Variants in NFATC1 observed in about 807,000 individuals in gnomAD.
NFATC1 encodes the protein nuclear factor of activated T-cells, cytoplasmic 1.
Under a neutral mutation model 76.0 loss-of-function variants are expected in NFATC1, and 22 were observed. The observed-to-expected ratio is 0.29, with a 90% confidence interval of 0.21 to 0.41. The LOEUF (loss-of-function observed/expected upper bound fraction) is 0.41. Ranked by LOEUF, NFATC1 falls within the 10% of genes least tolerant of loss-of-function variation. NFATC1 has a pLI of 1.00. For synonymous variants in NFATC1, 704 were observed against 613.1 expected, an observed-to-expected ratio of 1.15 and a Z score of -2.19; for missense variants, 1,357 against 1,337.7, an observed-to-expected ratio of 1.01 and a Z score of -0.23.
At chr18:79,520,524 C>CT (rs1555925199) in intron 9 of NFATC1, among the ~76,000 whole-genome samples, 1 of 134,924 alleles carries the variant, frequency 7.4e-6, no homozygotes, top group African/African-American at 2.6e-5. Flanking sequence ...GCAGAAGACT[C>CT]TGTGTGTGGG....
chr18:79,520,720 G>GT (rs1250054434), intron 9 of NFATC1, among the ~76,000 whole-genome samples: 1 of 74,152 alleles, frequency 1.3e-5, no homozygotes, highest in African/African-American at 5.8e-5. Flanking sequence ...TGTGTGGGGG[G>GT]GGGGCATCCA....
At chr18:79,424,469 C>G (rs984232848) in intron 2 of NFATC1, among the ~76,000 whole-genome samples, 11 of 140,954 alleles carry the variant, frequency 7.8e-5, no homozygotes, top group African/African-American at 3.1e-4. Flanking sequence ...CTGATCGTCT[C>G]TCTCTCTCTT....
At position 79,487,447 on chromosome 18, in the gene NFATC1, C is replaced by T. The variant is rs577190045; in HGVS notation, c.2782+510C>T. ...TGCAGTGGCGGCCTTGCCAGGAGCT[C>T]GCAGGGTGGCCGTGACACCGGGGGC... On this transcript the variant is annotated intron_variant, in intron 9 of 9. Transcript: ENST00000427363. Among the ~76,000 whole-genome samples the T allele has an allele frequency of 2.2e-4, 33 of 152,316 alleles. 1 individual carries two copies. The highest frequency in any genetic ancestry group is 7.7e-4 in the African/African-American group (32 of 41,578).
rs73969674 is a variant in NFATC1 at position 79,475,459 on chromosome 18, G to A, written c.2092+7877G>A. Among the ~76,000 whole-genome samples the A allele has an allele frequency of 8.2e-3, 1,238 of 151,004 alleles. 29 individuals carry two copies. Among genetic ancestry groups the A allele is most frequent in the African/African-American group, 0.028 (1,132 of 40,932 alleles). ...GCGTGTTCTCACGCTCACTGTCAACGTTGTGAGGGAAGGGTGTTTTCACGC... is the reference window on the plus strand; with the variant it reads ...GCGTGTTCTCACGCTCACTGTCAACATTGTGAGGGAAGGGTGTTTTCACGC... On this transcript the variant is annotated intron_variant, in intron 8 of 9. Coordinates refer to ENST00000427363, the MANE Select transcript of NFATC1 (RefSeq NM_001278669.2).
intron 2 of NFATC1, among the ~76,000 whole-genome samples, chr18:79,430,961 T>C (rs1480479208): frequency 1.3e-5 from 2 of 152,226 alleles, no homozygotes; most frequent in African/African-American, 4.8e-5. Context: ...TCCAGCCGCC[T>C]TTCCTTCTGC....
chr18:79,448,785 C>T lies in NFATC1; in HGVS notation c.1390C>T (p.His464Tyr). ...SAGGHPIVQL[H>Y]GYLENEPLML... ...GTGTTTTCTGTTCTCTCGCCAGCTG[C>T]ATGGCTACTTGGAGAATGAGCCGCT... Residue 464 changes from histidine (H) to tyrosine (Y), a missense_variant, in exon 4 of 10, where the codon CAT (histidine) becomes TAT (tyrosine). By Grantham distance (83) the His-to-Tyr change is moderately conservative (BLOSUM62 2). Coordinates refer to ENST00000427363, the MANE Select transcript of NFATC1 (RefSeq NM_001278669.2). 1.9e-6 allele frequency: 3 copies of T among 1,613,258 alleles called. No homozygotes were observed. The highest frequency in any genetic ancestry group is 2.5e-6 in the Non-Finnish European group (3 of 1,179,670).
chr18:79,507,889 C>T (rs1445798878), intron 9 of NFATC1, among the ~76,000 whole-genome samples: 11 of 152,346 alleles, frequency 7.2e-5, no homozygotes, highest in Non-Finnish European at 7.3e-5. Context: ...GCCACCGTCC[C>T]GCGGGAAGCT....
intron 9 of NFATC1, among the ~76,000 whole-genome samples, chr18:79,494,782 C>T (rs997911493): frequency 8.3e-5 from 7 of 83,916 alleles, no homozygotes; most frequent in Admixed American, 5.2e-4. Context: ...CGAGAGCGGG[C>T]ACATGCCCCC....
chr18:79,459,805 A>G (rs1262721047), intron 6 of NFATC1, among the ~76,000 whole-genome samples: 1 of 152,130 alleles, frequency 6.6e-6, no homozygotes, highest in East Asian at 1.9e-4. Flanking sequence ...AGTTACACAC[A>G]GAGTGATTTG....
At chr18:79,479,395 T>C (rs1217496869) in intron 8 of NFATC1, among the ~76,000 whole-genome samples, 1 of 152,184 alleles carries the variant, frequency 6.6e-6, no homozygotes, top group Non-Finnish European at 1.5e-5. Context: ...CGGGTGAGAC[T>C]CCCAGGCGCT....
At chr18:79,522,968 G>A (rs999855019) in intron 9 of NFATC1, among the ~76,000 whole-genome samples, 1 of 152,226 alleles carries the variant, frequency 6.6e-6, no homozygotes, top group Non-Finnish European at 1.5e-5. Flanking sequence ...CAGCAGAGCC[G>A]GCTGAGCTCA....
At chr18:79,400,505 G>A (rs2085166483) in intron 1 of NFATC1, 1 of 1,401,264 alleles carries the variant, frequency 7.1e-7, no homozygotes, top group East Asian at 3.1e-5. Flanking sequence ...AGGGCGCGGG[G>A]GGCGCGGGGC....
chr18:79,457,727 C>T (rs2087814319), intron 6 of NFATC1, among the ~76,000 whole-genome samples: 1 of 152,208 alleles, frequency 6.6e-6, no homozygotes. Flanking sequence ...CTTCCCCCAC[C>T]CCGGCTCCGA....
intron 2 of NFATC1, among the ~76,000 whole-genome samples, chr18:79,427,958 C>A (rs765213512): frequency 1.7e-5 from 1 of 58,640 alleles, no homozygotes; most frequent in Non-Finnish European, 3.2e-5. Context: ...GGCCTCTGTG[C>A]AGTGGGTGGC....
intron 2 of NFATC1, among the ~76,000 whole-genome samples, chr18:79,424,537 GTCTC>G (rs747162867): frequency 1.3e-5 from 2 of 149,846 alleles, no homozygotes; most frequent in East Asian, 2.0e-4. Context: ...CTGTCTCCCT[GTCTC>G]TCTCTCTGTC....
intron 2 of NFATC1, among the ~76,000 whole-genome samples, chr18:79,432,853 ATCT>A (rs961244393): frequency 3.4e-5 from 5 of 147,920 alleles, no homozygotes; most frequent in Admixed American, 2.7e-4. Context: ...CCAAACATTC[ATCT>A]CCTGAAAAGA....
At position 79,433,671 on chromosome 18, in the gene NFATC1, C is replaced by G; in HGVS notation, c.1319C>G (p.Ala440Gly). 6.2e-7 allele frequency: 1 copy of G among 1,613,178 alleles called. No homozygotes were observed. Among genetic ancestry groups the G allele is most frequent in the Non-Finnish European group, 8.5e-7 (1 of 1,179,966 alleles). ...IEVQPKSHHR[A>G]HYETEGSRGA... ...GTGCAGCCCAAGTCCCACCACCGAG[C>G]CCACTACGAGACGGAGGGCAGCCGG... Residue 440 changes from alanine to glycine, a missense_variant, in exon 3 of 10, where the codon GCC becomes GGC. Ala to Gly is a moderately conservative substitution (Grantham distance 60). Transcript: ENST00000427363.
At chr18:79,415,763 G>A (rs944536412) in intron 2 of NFATC1, among the ~76,000 whole-genome samples, 3 of 151,886 alleles carry the variant, frequency 2.0e-5, no homozygotes, top group African/African-American at 7.2e-5. Flanking sequence ...GTGCAATAAC[G>A]TATATTCAAA....
At chr18:79,527,040 T>G (rs2090785726) in intron 9 of NFATC1, 1 of 157,288 alleles carries the variant, frequency 6.4e-6, no homozygotes, top group Non-Finnish European at 1.4e-5. Context: ...GCTCGTTTCC[T>G]CTGCGTCTGC....
Sources: gnomAD v4.1 joint callset for allele counts (sites outside exome capture counted in the v4.1 genomes callset) on GRCh38, gnomAD v4.1.1 for gene constraint, MANE v1.5 for transcripts, NCBI Gene and HGNC (gene_info 2026-07-23, HGNC 2026-07-21) for gene names.